DOCK2: variants seen among roughly 807,000 people sequenced by gnomAD.
DOCK2 encodes the protein dedicator of cytokinesis protein 2.
A neutral mutation model predicts 248.9 loss-of-function variants in DOCK2; 87 were observed. That is an observed-to-expected ratio of 0.35 (90% CI 0.29 to 0.42). The LOEUF is 0.42. Ranked by LOEUF, DOCK2 falls within the 10% of genes least tolerant of loss-of-function variation. The pLI, the probability that DOCK2 is intolerant of heterozygous loss-of-function variation, is 1.00. For synonymous variants in DOCK2, 805 were observed against 821.6 expected (o/e 0.98, Z 0.35); for missense variants, 1,747 against 2,300.2 (o/e 0.76, Z 4.92).
chr5:169,983,756 A>G (rs903108995), intron 28 of DOCK2, among the ~76,000 whole-genome samples: 1 of 152,146 alleles, frequency 6.6e-6, no homozygotes, highest in Non-Finnish European at 1.5e-5. Context: ...TGTTGCTACC[A>G]GGTTCAGGAG....
At chr5:169,810,269 T>C (rs1229144657) in intron 26 of DOCK2, among the ~76,000 whole-genome samples, 1 of 152,212 alleles carries the variant, frequency 6.6e-6, no homozygotes, top group African/African-American at 2.4e-5. Context: ...CTTCTTTAGA[T>C]GTCAGGTGCA....
chr5:169,728,598 C>T (rs1346194172), intron 22 of DOCK2, among the ~76,000 whole-genome samples: 1 of 152,084 alleles, frequency 6.6e-6, no homozygotes, highest in Non-Finnish European at 1.5e-5. Context: ...TGATATTTTG[C>T]AATAGAAGGT....
chr5:169,908,508 G>T (rs1774413357), intron 27 of DOCK2, among the ~76,000 whole-genome samples: 1 of 151,994 alleles, frequency 6.6e-6, no homozygotes, highest in South Asian at 2.1e-4. Flanking sequence ...ATAGAGAAAT[G>T]AACACAAATA....
intron 27 of DOCK2, among the ~76,000 whole-genome samples, chr5:169,959,949 G>A (rs1777017969): frequency 6.6e-6 from 1 of 152,252 alleles, no homozygotes; most frequent in Non-Finnish European, 1.5e-5. Flanking sequence ...TTTGGTTTCT[G>A]TTGAGGTCCA....
chr5:169,983,067 G>A lies in DOCK2; in HGVS notation c.2800-1G>A. 1 of 1,613,984 alleles carries A rather than the reference G, an allele frequency of 6.2e-7. No homozygotes were observed. Among genetic ancestry groups the A allele is most frequent in the African/African-American group, 1.3e-5 (1 of 75,034 alleles). ...ATAGTATTTGTCTTCATTTCTTGCA[G>A]AGTCACTTTGTGGCATGTATGACAG... On this transcript the variant is annotated splice_acceptor_variant, in intron 27 of 51. Transcript: ENST00000520908. LOFTEE classifies it high-confidence loss of function.
In DOCK2 at chr5:169,798,615, C is replaced by G. The variant is rs140895113; in HGVS notation, c.2555-4443C>G. Among the ~76,000 whole-genome samples the G allele has an allele frequency of 1.6e-3, 248 of 152,300 alleles. 1 individual carries two copies. Among genetic ancestry groups the G allele is most frequent in the South Asian group, 5.8e-3 (28 of 4,824 alleles). On this transcript the variant is annotated intron_variant, in intron 25 of 51. Transcript: ENST00000520908. The stretch of plus-strand genomic sequence containing the variant: ...TTTTATGACCACTCCTAATAGGTTG[C>G]CACTCCTAAGATGTAAAGGTACTAA...
At chr5:170,021,935 A>G (rs1404126213) in intron 33 of DOCK2, among the ~76,000 whole-genome samples, 2 of 152,166 alleles carry the variant, frequency 1.3e-5, no homozygotes, top group African/African-American at 2.4e-5. Context: ...GCAAAGTGGC[A>G]TTAGTACATG....
At chr5:169,976,061 T>C (rs1777706806) in intron 27 of DOCK2, among the ~76,000 whole-genome samples, 1 of 152,222 alleles carries the variant, frequency 6.6e-6, no homozygotes, top group Non-Finnish European at 1.5e-5. Flanking sequence ...TTTCAGCTTT[T>C]ATGGAGGGGG....
intron 27 of DOCK2, among the ~76,000 whole-genome samples, chr5:169,925,538 C>T (rs1489799875): frequency 7.0e-6 from 1 of 143,738 alleles, no homozygotes; most frequent in Non-Finnish European, 1.5e-5. Context: ...TAAGATCAGG[C>T]CACTGAACTC....
At chr5:169,869,236 A>G (rs760667751) in intron 27 of DOCK2, among the ~76,000 whole-genome samples, 5 of 152,162 alleles carry the variant, frequency 3.3e-5, no homozygotes, top group Non-Finnish European at 7.3e-5. Context: ...AGGGAAGAAC[A>G]CACTCTTTAT....
At chr5:169,954,464 G>A (rs1317221619) in intron 27 of DOCK2, among the ~76,000 whole-genome samples, 1 of 152,182 alleles carries the variant, frequency 6.6e-6, no homozygotes, top group Admixed American at 6.5e-5. Flanking sequence ...CTCAGGTAAG[G>A]CAATAGATGA....
chr5:169,882,547 C>T (rs1214725578), intron 27 of DOCK2: 2 of 1,537,660 alleles, frequency 1.3e-6, no homozygotes, highest in South Asian at 2.4e-5. Flanking sequence ...AAAAAAATCT[C>T]CTTACCCTTC....
chr5:169,916,150 G>A (rs1340022674), intron 27 of DOCK2, among the ~76,000 whole-genome samples: 2 of 152,154 alleles, frequency 1.3e-5, no homozygotes. Context: ...TTACTCTACC[G>A]GGCAGAAGCA....
At chr5:169,907,787 A>G (rs1364569483) in intron 27 of DOCK2, among the ~76,000 whole-genome samples, 1 of 152,158 alleles carries the variant, frequency 6.6e-6, no homozygotes, top group Non-Finnish European at 1.5e-5. Flanking sequence ...TTACAGGGAC[A>G]TTTGGAAAAG....
chr5:170,074,302 C>T (rs2113873448), intron 46 of DOCK2, among the ~76,000 whole-genome samples: 1 of 151,872 alleles, frequency 6.6e-6, no homozygotes, highest in Middle Eastern at 3.4e-3. Flanking sequence ...TCTTTTCTTC[C>T]TTATTTGCTT....
Position 169,803,137 on chromosome 5 carries a change from G to C in DOCK2, c.2634G>C (p.Gln878His). 2 of 1,614,154 alleles carry C rather than the reference G, an allele frequency of 1.2e-6. No homozygotes were observed. Among genetic ancestry groups the C allele is most frequent in the Non-Finnish European group, 1.7e-6 (2 of 1,180,006 alleles). Residue 878 changes from glutamine to histidine, a missense_variant, in exon 26 of 52, where the codon CAG (glutamine) becomes CAC (histidine). Physicochemically the swap from Gln to His is conservative, Grantham distance 24. Around this residue, in one of 4 missense-constraint regions of DOCK2, gnomAD observed 858 missense variants for 1,183.5 expected, o/e 0.72. Coordinates refer to ENST00000520908, the MANE Select transcript of DOCK2 (RefSeq NM_004946.3). The stretch of plus-strand genomic sequence containing the variant: ...AGCAGAAGGATGACATGCAACACCA[G>C]GTCCTGGAGAGGAAGTACTGCGTTG... Reference protein sequence around the residue: ...LLEQKDDMQHQVLERKYCVEL... With the variant: ...LLEQKDDMQHHVLERKYCVEL...
At chr5:169,887,660 G>A (rs1382918976) in intron 27 of DOCK2, among the ~76,000 whole-genome samples, 1 of 152,114 alleles carries the variant, frequency 6.6e-6, no homozygotes, top group African/African-American at 2.4e-5. Context: ...TAAATATTTG[G>A]TATTATTTAA....
intron 27 of DOCK2, among the ~76,000 whole-genome samples, chr5:169,919,570 C>T (rs1775061337): frequency 6.6e-6 from 1 of 152,212 alleles, no homozygotes; most frequent in Non-Finnish European, 1.5e-5. Context: ...GGACATTAAA[C>T]TGATCATTAA....
At position 169,670,534 on chromosome 5, in the gene DOCK2, TC is replaced by T; in HGVS notation, c.169-6del. 6.2e-7 allele frequency: 1 copy of T among 1,613,574 alleles called. No individual in the cohort carries two copies. Among genetic ancestry groups the T allele is most frequent in the Non-Finnish European group, 8.5e-7 (1 of 1,179,874 alleles). ...TTATTTTGTTTTGTTTTGTTTTGTT[TC>T]CAACAGGGCATTTTTCCTAAGTCAT... is the stretch of plus-strand genomic sequence containing the variant. On this transcript the variant is annotated splice_region_variant and splice_polypyrimidine_tract_variant and intron_variant, in intron 3 of 51. Transcript: ENST00000520908.
Sources: gnomAD v4.1 joint callset for allele counts (sites outside exome capture counted in the v4.1 genomes callset) on GRCh38, gnomAD v4.1.1 for gene constraint, gnomAD v4.1.1 regional missense constraint, MANE v1.5 for transcripts, NCBI Gene and HGNC (gene_info 2026-07-23, HGNC 2026-07-21) for gene names.